The following CDH6 variants were observed in gnomAD, a reference collection of about 807,000 sequenced individuals.
CDH6 encodes cadherin 6.
In CDH6, 31 loss-of-function variants were observed where a neutral mutation model predicts 78.0. The ratio of observed to expected loss-of-function variants is 0.40; its 90% confidence interval spans 0.30 to 0.54. CDH6 has a LOEUF of 0.54. Among genes scored for constraint, CDH6 ranks in the 20% least tolerant of loss-of-function variants. The probability of loss-of-function intolerance (pLI) is 0.56; values close to 1 mark genes in which losing one functional copy is unlikely to be tolerated. For missense variants in CDH6, 724 were observed against 975.9 expected (o/e 0.74, Z 3.44); for synonymous variants, 376 against 368.8 (o/e 1.02, Z -0.23).
chr5:31,290,002 T>A lies in CDH6; in HGVS notation c.229-3960T>A, dbSNP rs1161330860. Among the ~76,000 whole-genome samples the A allele has an allele frequency of 2.0e-5, 3 of 151,960 alleles. No homozygotes were observed. In the East Asian group the frequency reaches 5.8e-4, roughly 29 times the overall value. On this transcript the variant is annotated intron_variant, in intron 2 of 11. Coordinates refer to ENST00000265071, the MANE Select transcript of CDH6 (RefSeq NM_004932.4). ...TGGGCACAGTGGCTCACACCTGTAA[T>A]CCCGGCACTTTGGGAGGCCCAAGGC...
At chr5:31,264,558 T>G (rs1742289868) in intron 1 of CDH6, among the ~76,000 whole-genome samples, 1 of 152,134 alleles carries the variant, frequency 6.6e-6, no homozygotes, top group Non-Finnish European at 1.5e-5. Flanking sequence ...TATTAAGAAA[T>G]AGTAAATGAG....
At chr5:31,210,792 T>C (rs1396646122) in intron 1 of CDH6, among the ~76,000 whole-genome samples, 1 of 152,266 alleles carries the variant, frequency 6.6e-6, no homozygotes, top group African/African-American at 2.4e-5. Context: ...TGTACTTGTA[T>C]TATTTTGTAT....
chr5:31,267,205 T>C, intron 1 of CDH6, 141 bp from the exon 2 acceptor site: 1 of 452,876 alleles, frequency 2.2e-6, no homozygotes, highest in Non-Finnish European at 4.0e-6. Context: ...GAAGACCGTC[T>C]CCTTCGTTTC....
At position 31,323,930 on chromosome 5, in the gene CDH6, T is replaced by C. The variant is rs1738548230; in HGVS notation, c.*622T>C. On this transcript the variant is annotated 3_prime_UTR_variant, in exon 12 of 12. Transcript: ENST00000265071. ...AATAGAAGCAAATTAAACGGTAACA[T>C]CCAAAAGCAACCACAAACCTAGTAC... 4.4e-6 allele frequency: 1 copy of C among 229,258 alleles called. No individual in the cohort carries two copies. Among genetic ancestry groups the C allele is most frequent in the Admixed American group, 5.7e-5 (1 of 17,676 alleles). 14.2% of individuals were successfully genotyped at this position (229,258 alleles called of 1,614,324 possible). A position where few individuals can be genotyped will look rare whatever the true frequency, so the allele number is the denominator to read the frequency against.
rs184324494 is a variant in CDH6, at chr5:31,329,036, G to A, written c.*5728G>A. The A allele has an allele frequency of 1.0e-4, 22 of 212,830 alleles. 1 individual carries two copies. In the Admixed American group the frequency reaches 1.1e-3, roughly 10 times the overall value. 13.2% of individuals were successfully genotyped at this position (212,830 alleles called of 1,614,324 possible). ...TTTCTTAGACTTATAAATTTGAAAA[G>A]AATGCAATTTAAAAAGTGATTTCTC... On this transcript the variant is annotated 3_prime_UTR_variant, in exon 12 of 12. Coordinates refer to ENST00000265071, the MANE Select transcript of CDH6 (RefSeq NM_004932.4).
Position 31,325,542 on chromosome 5 carries a change from T to C in CDH6, c.*2234T>C, listed in dbSNP as rs1738607341. On this transcript the variant is annotated 3_prime_UTR_variant, in exon 12 of 12. Coordinates refer to ENST00000265071, the MANE Select transcript of CDH6 (RefSeq NM_004932.4). ...CTCTATCTGTATGTTTCATGTCACGTAACAAATTGAATCAAGGAAGATAGT... is the reference window on the plus strand; with the variant it reads ...CTCTATCTGTATGTTTCATGTCACGCAACAAATTGAATCAAGGAAGATAGT... The C allele has an allele frequency of 4.3e-6, 1 of 230,962 alleles. No individual in the cohort carries two copies. The highest frequency in any genetic ancestry group is 8.6e-6 in the Non-Finnish European group (1 of 116,660). The allele number at this position is 230,962 out of a possible 1,614,324, so 14.3% of individuals were successfully genotyped here.
At chr5:31,287,098 G>A (rs1202601817) in intron 2 of CDH6, among the ~76,000 whole-genome samples, 6 of 152,130 alleles carry the variant, frequency 3.9e-5, no homozygotes, top group Non-Finnish European at 7.3e-5. Flanking sequence ...TCAAGAAAAT[G>A]TTCTTCCCTG....
chr5:31,257,020 T>C (rs1742073335), intron 1 of CDH6, among the ~76,000 whole-genome samples: 1 of 152,252 alleles, frequency 6.6e-6, no homozygotes, highest in Non-Finnish European at 1.5e-5. Context: ...CTTTTATTTA[T>C]TCTGCACATC....
intron 1 of CDH6, among the ~76,000 whole-genome samples, chr5:31,215,655 T>C (rs939034307): frequency 6.6e-6 from 1 of 152,106 alleles, no homozygotes; most frequent in African/African-American, 2.4e-5. Context: ...GGTATCCAGA[T>C]GCAGGACGGA....
chr5:31,207,999 G>T (rs541915194), intron 1 of CDH6, among the ~76,000 whole-genome samples: 18 of 152,206 alleles, frequency 1.2e-4, no homozygotes, highest in Non-Finnish European at 2.6e-4. Context: ...AGTGCATAAA[G>T]TGTATCCAGG....
intron 4 of CDH6, among the ~76,000 whole-genome samples, chr5:31,298,348 A>G (rs989005321): frequency 1.2e-4 from 18 of 152,208 alleles, no homozygotes; most frequent in African/African-American, 3.4e-4. Flanking sequence ...AAGTGCTGCA[A>G]TGAACTTGGA....
chr5:31,325,542 TAACA>T lies in CDH6; in HGVS notation c.*2237_*2240del, dbSNP rs1738607389. 2 of 230,962 alleles carry T rather than the reference TAACA, an allele frequency of 8.7e-6. No homozygotes were observed. Among genetic ancestry groups the T allele is most frequent in the South Asian group, 3.6e-4 (2 of 5,506 alleles). The allele number at this position is 230,962 out of a possible 1,614,324, so 14.3% of individuals were successfully genotyped here. A position where few individuals can be genotyped will look rare whatever the true frequency, so the allele number is the denominator to read the frequency against. On this transcript the variant is annotated 3_prime_UTR_variant, in exon 12 of 12. Coordinates refer to ENST00000265071, the MANE Select transcript of CDH6 (RefSeq NM_004932.4). The stretch of plus-strand genomic sequence containing the variant: ...CTCTATCTGTATGTTTCATGTCACG[TAACA>T]AATTGAATCAAGGAAGATAGTCCTG...
intron 1 of CDH6, among the ~76,000 whole-genome samples, chr5:31,210,533 CT>C: frequency 6.6e-6 from 1 of 152,184 alleles, no homozygotes. Context: ...ATTGCTGATA[CT>C]TTGTGATTCT....
intron 1 of CDH6, among the ~76,000 whole-genome samples, chr5:31,241,064 C>T (rs1437515453): frequency 6.6e-6 from 1 of 152,232 alleles, no homozygotes; most frequent in Non-Finnish European, 1.5e-5. Flanking sequence ...GATTGTTTCC[C>T]TTTTCCTCAT....
At chr5:31,229,863 G>A (rs1036571374) in intron 1 of CDH6, among the ~76,000 whole-genome samples, 2 of 152,176 alleles carry the variant, frequency 1.3e-5, no homozygotes, top group Non-Finnish European at 2.9e-5. Flanking sequence ...GTGACGTAAG[G>A]GACTTTGCTC....
rs1738569415 is a variant in CDH6, at chr5:31,324,484, C to G, written c.*1176C>G. The G allele has an allele frequency of 4.7e-6, 1 of 212,718 alleles. No homozygotes were observed. The highest frequency in any genetic ancestry group is 9.5e-6 in the Non-Finnish European group (1 of 105,280). 13.2% of individuals were successfully genotyped at this position (212,718 alleles called of 1,614,324 possible). ...ACAACATTGAGATTATGATGAAAAC[C>G]TACATATTCCATGTTTGGAAGACCC... On this transcript the variant is annotated 3_prime_UTR_variant, in exon 12 of 12. Coordinates refer to ENST00000265071, the MANE Select transcript of CDH6 (RefSeq NM_004932.4).
At chr5:31,233,763 C>A (rs1741380214) in intron 1 of CDH6, among the ~76,000 whole-genome samples, 1 of 152,150 alleles carries the variant, frequency 6.6e-6, no homozygotes, top group Non-Finnish European at 1.5e-5. Context: ...ACGGAGAGGT[C>A]CTCCTTGACT....
At chr5:31,278,726 ATTCT>A (rs939334898) in intron 2 of CDH6, among the ~76,000 whole-genome samples, 4 of 152,160 alleles carry the variant, frequency 2.6e-5, no homozygotes, top group African/African-American at 9.7e-5. Flanking sequence ...ATGTAATGAC[ATTCT>A]TTTTTTAACC....
At chr5:31,206,149 TA>T (rs531640993) in intron 1 of CDH6, among the ~76,000 whole-genome samples, 33 of 122,934 alleles carry the variant, frequency 2.7e-4, no homozygotes, top group Middle Eastern at 5.1e-3. Context: ...GATAGATAGA[TA>T]GATGATAGAA....
Sources: allele counts gnomAD v4.1 joint callset (sites outside exome capture counted in the v4.1 genomes callset), GRCh38; gene constraint gnomAD v4.1.1; transcripts MANE v1.5; gene names NCBI Gene and HGNC (gene_info 2026-07-23, HGNC 2026-07-21).